The following PGGHG variants were observed in gnomAD, a reference collection of about 807,000 sequenced individuals.
PGGHG encodes ATH1, acid trehalase-like 1.
A neutral mutation model predicts 74.5 loss-of-function variants in PGGHG; 67 were observed. The observed-to-expected ratio is 0.90, with a 90% CI of 0.74 to 1.10. The LOEUF (loss-of-function observed/expected upper bound fraction) is 1.10. Ranked by LOEUF, PGGHG falls within the 50% of genes least tolerant of loss-of-function variation. The pLI is 0.00. For missense variants in PGGHG, 1,034 were observed against 981.5 expected (o/e 1.05, Z -0.72); for synonymous variants, 496 against 419.9 (o/e 1.18, Z -2.21).
rs921589112 is a variant in PGGHG, at chr11:290,288, G to A, written c.260-102G>A. On this transcript the variant is annotated intron_variant, in intron 2 of 13. Transcript: ENST00000409548. ...GAACGAGCAGCCGAGGGCCCAGAGG[G>A]ATCCGCCTCATTGTGGGGAGAGGCA... 8.6e-6 allele frequency: 12 copies of A among 1,391,010 alleles called. No homozygotes were observed. In the African/African-American group the frequency reaches 1.3e-4, roughly 15 times the overall value. The allele number at this position is 1,391,010 out of a possible 1,614,324, so 86.2% of individuals were successfully genotyped here. A position where few individuals can be genotyped will look rare whatever the true frequency, so the allele number is the denominator to read the frequency against.
In PGGHG at chr11:294,377, A is replaced by G. The variant is rs1387321153; in HGVS notation, c.1919A>G (p.Glu640Gly). The G allele has an allele frequency of 1.9e-5, 30 of 1,612,892 alleles. No homozygotes were observed. Among genetic ancestry groups the G allele is most frequent in the Non-Finnish European group, 2.5e-5 (29 of 1,179,946 alleles). Residue 640 changes from glutamate (E) to glycine (G), a missense_variant, in exon 13 of 14, where the codon GAG (glutamate) becomes GGG (glycine). Coordinates refer to ENST00000409548, the MANE Select transcript of PGGHG (RefSeq NM_025092.5). ...AACAAGCTCAACTTCTCTTTTTCCGAGGACTCCGTGACCGTGGAGGTCACA... is the reference window on the plus strand; with the variant it reads ...AACAAGCTCAACTTCTCTTTTTCCGGGGACTCCGTGACCGTGGAGGTCACA... ...QGNKLNFSFS[E>G]DSVTVEVTAR...
chr11:292,743 C>T (rs1273478022), intron 6 of PGGHG, 66 bp downstream of exon 6: 5 of 1,609,650 alleles, frequency 3.1e-6, no homozygotes, highest in Middle Eastern at 1.7e-4. Context: ...CCCCACTCCT[C>T]GTGGCTTCCT....
chr11:293,808 G>A, intron 10 of PGGHG, 22 bp from the exon 11 acceptor site: 1 of 1,613,584 alleles, frequency 6.2e-7, no homozygotes, highest in South Asian at 1.1e-5. Context: ...ACCCCTGTGT[G>A]TCCTCTTACC....
chr11:292,049 G>A lies in PGGHG; in HGVS notation c.980G>A (p.Arg327His), dbSNP rs199950887. The A allele has an allele frequency of 7.6e-5, 121 of 1,596,302 alleles. No homozygotes were observed. The Middle Eastern group carries it at 9.9e-4, about 13-fold the overall frequency. ...AARAILEYRIRTLDGALENAQ... is the reference protein window; with the variant it reads ...AARAILEYRIHTLDGALENAQ... ...AGGGCCATCCTGGAGTACCGCATCC[G>A]CACGCTGGACGGGGCCCTGGAGAAC... The change falls in exon 5 of 14, where the codon CGC becomes CAC. Residue 327 changes from arginine (R) to histidine (H), a missense_variant. By Grantham distance (29) the Arg-to-His change is conservative. Coordinates refer to ENST00000409548, the MANE Select transcript of PGGHG (RefSeq NM_025092.5).
Position 293,945 on chromosome 11 carries a change from C to T in PGGHG, c.1710+20C>T. On this transcript the variant is annotated intron_variant, in intron 11 of 13. Coordinates refer to ENST00000409548, the MANE Select transcript of PGGHG (RefSeq NM_025092.5). ...TTCAAGGTCAGCCTGGCCACACCTG[C>T]CTCCCACTGGGCCCCTTGTGGTGGG... 1 of 1,605,902 alleles carries T rather than the reference C, an allele frequency of 6.2e-7. No individual in the cohort carries two copies. The highest frequency in any genetic ancestry group is 1.7e-5 in the Admixed American group (1 of 58,646).
intron 4 of PGGHG, chr11:291,621 G>A (rs1361677602): frequency 6.9e-6 from 2 of 289,724 alleles, no homozygotes; most frequent in Admixed American, 4.9e-5. Flanking sequence ...CTCCATCGTT[G>A]TCTGAGCCTC....
At position 294,628 on chromosome 11, in the gene PGGHG, G is replaced by C. The variant is rs768304602; in HGVS notation, c.2093G>C (p.Ser698Thr). The change falls in exon 14 of 14, where the codon AGC becomes ACC. Residue 698 changes from serine to threonine, a missense_variant. Physicochemically the swap from Ser to Thr is moderately conservative, Grantham distance 58. Transcript: ENST00000409548. ...MSPPKLPGSS[S>T]SEFPGRTFSD... The stretch of plus-strand genomic sequence containing the variant: ...CCCCCGAAGCTGCCTGGAAGTTCCA[G>C]CTCCGAGTTCCCTGGGAGGACTTTT... 1 of 1,521,422 alleles carries C rather than the reference G, an allele frequency of 6.6e-7. No homozygotes were observed. The highest frequency in any genetic ancestry group is 8.9e-7 in the Non-Finnish European group (1 of 1,128,622). The allele number at this position is 1,521,422 out of a possible 1,614,324, so 94.2% of individuals were successfully genotyped here. A position where few individuals can be genotyped will look rare whatever the true frequency, so the allele number is the denominator to read the frequency against.
In PGGHG at chr11:293,766, C is replaced by T. The variant is rs368996477; in HGVS notation, c.1614+39C>T. 53 of 1,613,378 alleles carry T rather than the reference C, an allele frequency of 3.3e-5. No individual in the cohort carries two copies. In the Admixed American group the frequency reaches 6.5e-4, roughly 20 times the overall value. On this transcript the variant is annotated intron_variant, in intron 10 of 13. Coordinates refer to ENST00000409548, the MANE Select transcript of PGGHG (RefSeq NM_025092.5). Reference sequence around the variant, plus strand: ...GGCTGTGGAGTTCCTACCCCATTGGCCTCAGTCTTCTCTGCCCACGCAGTG... The same window carrying T: ...GGCTGTGGAGTTCCTACCCCATTGGTCTCAGTCTTCTCTGCCCACGCAGTG...
At position 293,650 on chromosome 11, in the gene PGGHG, C is replaced by T. The variant is rs146898849; in HGVS notation, c.1537C>T (p.Leu513=). The T allele has an allele frequency of 4.8e-5, 77 of 1,613,416 alleles. No individual in the cohort carries two copies. Among genetic ancestry groups the T allele is most frequent in the Non-Finnish European group, 6.2e-5 (73 of 1,179,998 alleles). ...CCTGGGATACCCAGTCCCCTTCTCC[C>T]TGAGTCCTGATGTTCGCAGGAAAAA... ...VLLGYPVPFS[L]SPDVRRKNLE... is the part of the protein sequence containing the mutation. The change falls in exon 10 of 14, where the codon CTG becomes TTG. Residue 513 remains leucine, a synonymous_variant. Transcript: ENST00000409548.
rs557213419 is a variant in PGGHG, at chr11:294,976, C to G, written c.*227C>G. On this transcript the variant is annotated 3_prime_UTR_variant, in exon 14 of 14. Transcript: ENST00000409548. ...CGTGGCATCTCCACACCGCCTCTGC[C>G]TGCCCCTGTGGACTGATGCTATCGC... 35 of 523,154 alleles carry G rather than the reference C, an allele frequency of 6.7e-5. No individual in the cohort carries two copies. The highest frequency in any genetic ancestry group is 6.0e-4 in the South Asian group (18 of 29,958). The allele number at this position is 523,154 out of a possible 1,614,324, so 32.4% of individuals were successfully genotyped here.
rs760410673 is a variant in PGGHG at position 293,013 on chromosome 11, G to C, written c.1270+16G>C. The stretch of plus-strand genomic sequence containing the variant: ...CACCTGAGGGGTGAGGCCATGGTGG[G>C]GAGGGGCTCGGGGAGGAAGGGTGGA... On this transcript the variant is annotated intron_variant, in intron 7 of 13. Coordinates refer to ENST00000409548, the MANE Select transcript of PGGHG (RefSeq NM_025092.5). 4 of 1,613,968 alleles carry C rather than the reference G, an allele frequency of 2.5e-6. No individual in the cohort carries two copies. The South Asian group carries it at 4.4e-5, about 18-fold the overall frequency.
chr11:293,158 T>C lies in PGGHG; in HGVS notation c.1271-5T>C. On this transcript the variant is annotated splice_polypyrimidine_tract_variant and splice_region_variant and intron_variant, in intron 7 of 13. Coordinates refer to ENST00000409548, the MANE Select transcript of PGGHG (RefSeq NM_025092.5). ...CTGAGCACCATCTTGGACTTGTGTG[T>C]CCAGGAGTCATGTCCCCCGACGAGT... 1.2e-6 allele frequency: 2 copies of C among 1,613,894 alleles called. No homozygotes were observed. The highest frequency in any genetic ancestry group is 1.7e-6 in the Non-Finnish European group (2 of 1,179,994).
intron 11 of PGGHG, 58 bp from the exon 12 acceptor site, chr11:294,041 C>T (rs1845804273): frequency 1.3e-6 from 2 of 1,577,956 alleles, no homozygotes; most frequent in Non-Finnish European, 1.7e-6. Flanking sequence ...CTTGGGACAG[C>T]AGCCCAGAGA....
At position 289,869 on chromosome 11, in the gene PGGHG, G is replaced by C; in HGVS notation, c.53G>C (p.Ser18Thr). 1.9e-6 allele frequency: 3 copies of C among 1,551,146 alleles called. No homozygotes were observed. The South Asian group carries it at 3.6e-5, about 18-fold the overall frequency. The change falls in exon 2 of 14, where the codon AGT becomes ACT. Residue 18 changes from serine to threonine, a missense_variant. Coordinates refer to ENST00000409548, the MANE Select transcript of PGGHG (RefSeq NM_025092.5). The surrounding 1 kb of genome is among the most constrained non-coding windows in gnomAD (Gnocchi z 5.6). ...PTTFAAHSLP[S>T]DPRLLATVTN... ...ACGTTTGCTGCCCACTCTCTGCCCA[G>C]TGACCCCCGTCTCTTGGCCACTGTG...
chr11:292,992 T>G lies in PGGHG; in HGVS notation c.1265T>G (p.Leu422Arg). 6.3e-7 allele frequency: 1 copy of G among 1,593,542 alleles called. No individual in the cohort carries two copies. ...AGCCCCAGGGAGGAAAAGTACCACC[T>G]GAGGGGTGAGGCCATGGTGGGGAGG... ...EWSPREEKYH[L>R]RGVMSPDEYH... The change falls in exon 7 of 14, where the codon CTG (leucine) becomes CGG (arginine). Residue 422 changes from leucine to arginine, a missense_variant. Physicochemically the swap from Leu to Arg is moderately radical, Grantham distance 102. Coordinates refer to ENST00000409548, the MANE Select transcript of PGGHG (RefSeq NM_025092.5).
chr11:294,858 C>A lies in PGGHG; in HGVS notation c.*109C>A. 1.5e-6 allele frequency: 2 copies of A among 1,299,912 alleles called. No homozygotes were observed. Among genetic ancestry groups the A allele is most frequent in the Non-Finnish European group, 2.1e-6 (2 of 951,706 alleles). The allele number at this position is 1,299,912 out of a possible 1,614,324, so 80.5% of individuals were successfully genotyped here. On this transcript the variant is annotated 3_prime_UTR_variant, in exon 14 of 14. Coordinates refer to ENST00000409548, the MANE Select transcript of PGGHG (RefSeq NM_025092.5). ...CTGCCATCCCTCACCTGCAGCCAGGCTCTCAGGGAAGGTCCATGCTGCTTG... is the reference window on the plus strand; with the variant it reads ...CTGCCATCCCTCACCTGCAGCCAGGATCTCAGGGAAGGTCCATGCTGCTTG...
chr11:295,059 C>T lies in PGGHG; in HGVS notation c.*310C>T, dbSNP rs936648705. The T allele has an allele frequency of 3.7e-6, 1 of 267,228 alleles. No homozygotes were observed. Among genetic ancestry groups the T allele is most frequent in the Non-Finnish European group, 7.1e-6 (1 of 141,808 alleles). The allele number at this position is 267,228 out of a possible 1,614,324, so 16.6% of individuals were successfully genotyped here. ...AAGCCGGGGTCTGAGCCTGCATCAC[C>T]TCTGGCCTCTCATCCCCCACTCTCC... is the stretch of plus-strand genomic sequence containing the variant. On this transcript the variant is annotated 3_prime_UTR_variant, in exon 14 of 14. Transcript: ENST00000409548.
At position 290,448 on chromosome 11, in the gene PGGHG, G is replaced by A. The variant is rs766561342; in HGVS notation, c.318G>A (p.Ala106=). ...PRFRASQCIY[A]HRTLPHVLAF... is the part of the protein sequence containing the mutation. The stretch of plus-strand genomic sequence containing the variant: ...TCCGGGCCTCCCAGTGCATCTATGC[G>A]CATCGCACGCTGCCCCACGTGCTGG... Residue 106 remains alanine (A), a synonymous_variant, in exon 3 of 14, where the codon GCG becomes GCA. Transcript: ENST00000409548. 11 of 1,549,134 alleles carry A rather than the reference G, an allele frequency of 7.1e-6. No homozygotes were observed. Among genetic ancestry groups the A allele is most frequent in the Admixed American group, 2.0e-5 (1 of 50,994 alleles).
Position 291,120 on chromosome 11 carries a change from A to G in PGGHG, c.906+7A>G, listed in dbSNP as rs199670835. The G allele has an allele frequency of 8.4e-5, 131 of 1,561,740 alleles. 4 individuals carry two copies. In the Middle Eastern group the frequency reaches 7.4e-3, roughly 88 times the overall value. ...CCACGTCTTCTGGGACCAGGTGAGC[A>G]CTGTACACCCAGCACCAGCCACACA... On this transcript the variant is annotated splice_region_variant and intron_variant, in intron 4 of 13. Coordinates refer to ENST00000409548, the MANE Select transcript of PGGHG (RefSeq NM_025092.5).
Sources: allele counts gnomAD v4.1 joint callset, GRCh38; gene constraint gnomAD v4.1.1; non-coding constraint Gnocchi (gnomAD v3.1); transcripts MANE v1.5; gene names NCBI Gene and HGNC (gene_info 2026-07-23, HGNC 2026-07-21).